Variants in CATSPERE observed in about 807,000 individuals in gnomAD.
CATSPERE encodes catsper channel auxiliary subunit epsilon.
CATSPERE carries 93 observed loss-of-function variants against 114.1 expected under a neutral mutation model. The observed-to-expected ratio is 0.81, with a 90% confidence interval of 0.69 to 0.97. CATSPERE has a LOEUF of 0.97. Among genes scored for constraint, CATSPERE ranks in the 50% least tolerant of loss-of-function variants. The pLI is 0.00. For missense variants in CATSPERE, 1,058 were observed against 1,131.6 expected (o/e 0.93, Z 0.93); for synonymous variants, 341 against 384.1 (o/e 0.89, Z 1.31).
intron 11 of CATSPERE, among the ~76,000 whole-genome samples, chr1:244,578,112 C>T (rs1426292660): frequency 6.6e-6 from 1 of 152,094 alleles, no homozygotes; most frequent in Non-Finnish European, 1.5e-5. Flanking sequence ...CAACCCCTGC[C>T]CAGTTGAAAA....
intron 2 of CATSPERE, among the ~76,000 whole-genome samples, chr1:244,476,849 TAGTC>T (rs1219473648): frequency 8.5e-5 from 13 of 152,206 alleles, no homozygotes; most frequent in South Asian, 6.2e-4. Context: ...GTTATGTTAA[TAGTC>T]AGTAACGTGT....
chr1:244,599,663 C>T (rs906349679), intron 17 of CATSPERE, among the ~76,000 whole-genome samples: 2 of 152,162 alleles, frequency 1.3e-5, no homozygotes, highest in African/African-American at 4.8e-5. Context: ...AAGCCAAGAC[C>T]TTACAATGAC....
At chr1:244,629,751 T>C (rs1472949021) in intron 20 of CATSPERE, among the ~76,000 whole-genome samples, 1 of 152,112 alleles carries the variant, frequency 6.6e-6, no homozygotes, top group African/African-American at 2.4e-5. Flanking sequence ...GCAATTCTTG[T>C]GCCTCAGCCT....
chr1:244,456,719 G>T (rs1431940386), upstream of CATSPERE, among the ~76,000 whole-genome samples: 1 of 152,088 alleles, frequency 6.6e-6, no homozygotes, highest in Non-Finnish European at 1.5e-5. Context: ...CTATAGATAA[G>T]GCCTGGGGAC....
At chr1:244,492,772 A>G (rs1672431079) in intron 6 of CATSPERE, among the ~76,000 whole-genome samples, 2 of 147,970 alleles carry the variant, frequency 1.4e-5, no homozygotes, top group Admixed American at 1.3e-4. Flanking sequence ...TCAATGTACA[A>G]AAATCACAAG....
At chr1:244,628,335 C>G (rs1192424594) in intron 20 of CATSPERE, among the ~76,000 whole-genome samples, 1 of 152,086 alleles carries the variant, frequency 6.6e-6, no homozygotes, top group Non-Finnish European at 1.5e-5. Context: ...TCCAGGTCAT[C>G]CTTGGTAAGG....
intron 8 of CATSPERE, among the ~76,000 whole-genome samples, chr1:244,552,109 G>A (rs3003218): frequency 6.8e-6 from 1 of 146,778 alleles, no homozygotes; most frequent in Non-Finnish European, 1.5e-5. Context: ...TGAGAATACA[G>A]AGACAGAAAC....
chr1:244,619,811 G>A (rs1012140501), intron 20 of CATSPERE, among the ~76,000 whole-genome samples: 1 of 152,064 alleles, frequency 6.6e-6, no homozygotes, highest in Non-Finnish European at 1.5e-5. Context: ...GTGATATGAG[G>A]TATAATCCAT....
intron 19 of CATSPERE, among the ~76,000 whole-genome samples, chr1:244,611,160 A>G (rs1464336675): frequency 6.6e-6 from 1 of 152,240 alleles, no homozygotes; most frequent in Non-Finnish European, 1.5e-5. Flanking sequence ...CCTTACTAGA[A>G]TGTAAGCTCC....
intron 10 of CATSPERE, among the ~76,000 whole-genome samples, chr1:244,563,905 C>T (rs1662998436): frequency 6.6e-6 from 1 of 152,064 alleles, no homozygotes; most frequent in Non-Finnish European, 1.5e-5. Flanking sequence ...AAGTTTAAGT[C>T]TCTAATCCAT....
At chr1:244,474,353 T>C (rs1292640272) in intron 2 of CATSPERE, among the ~76,000 whole-genome samples, 9 of 152,116 alleles carry the variant, frequency 5.9e-5, no homozygotes, top group Admixed American at 5.9e-4. Flanking sequence ...AACCAGGCAA[T>C]GATCTTATTC....
At chr1:244,451,542 G>A, upstream of CATSPERE, 1 of 1,377,358 alleles carries the variant, frequency 7.3e-7, no homozygotes, top group Non-Finnish European at 9.7e-7. The surrounding 1 kb of genome is among the most constrained non-coding windows in gnomAD (Gnocchi z 6.6). Flanking sequence ...TTGGCCAGTG[G>A]ATCCGGGTTC....
intron 20 of CATSPERE, among the ~76,000 whole-genome samples, chr1:244,622,669 A>T (rs994708504): frequency 6.6e-6 from 1 of 152,076 alleles, no homozygotes; most frequent in Admixed American, 6.6e-5. Flanking sequence ...CTATCTGTAC[A>T]TTCCTGGGGC....
upstream of CATSPERE, among the ~76,000 whole-genome samples, chr1:244,459,764 ACC>A (rs1666493880): frequency 6.6e-6 from 1 of 152,188 alleles, no homozygotes; most frequent in Non-Finnish European, 1.5e-5. Flanking sequence ...CTCATTATTT[ACC>A]TTATAGCAGG....
chr1:244,499,123 G>C (rs1572418879), intron 7 of CATSPERE, 44 bp downstream of exon 7: 1 of 1,456,514 alleles, frequency 6.9e-7, no homozygotes, highest in Non-Finnish European at 9.6e-7. Context: ...ACAGAATGCT[G>C]CCTTTCTTTT....
intron 8 of CATSPERE, among the ~76,000 whole-genome samples, chr1:244,521,355 A>G (rs1213677997): frequency 6.6e-6 from 1 of 152,178 alleles, no homozygotes; most frequent in East Asian, 1.9e-4. Flanking sequence ...CCTTGTCTCT[A>G]AATACATAAA....
At chr1:244,610,155 C>A in intron 18 of CATSPERE, 85 bp from the exon 19 acceptor site, 2 of 847,900 alleles carry the variant, frequency 2.4e-6, no homozygotes, top group Non-Finnish European at 1.8e-6. Flanking sequence ...ACAAAATTTT[C>A]AATAGCAACA....
chr1:244,522,879 G>T (rs1209682392), intron 8 of CATSPERE, among the ~76,000 whole-genome samples: 8 of 152,112 alleles, frequency 5.3e-5, no homozygotes, highest in Non-Finnish European at 7.3e-5. Context: ...GGACCAGATG[G>T]ATTCACAGCC....
chr1:244,453,987 G>T (rs537150413), upstream of CATSPERE, among the ~76,000 whole-genome samples: 4 of 152,336 alleles, frequency 2.6e-5, no homozygotes, highest in East Asian at 7.7e-4. Context: ...AGGAGAATAG[G>T]AGGATAGTTT....
Sources: gnomAD v4.1 joint callset for allele counts (sites outside exome capture counted in the v4.1 genomes callset) on GRCh38, gnomAD v4.1.1 for gene constraint, Gnocchi (gnomAD v3.1) non-coding constraint, MANE v1.5 for transcripts, NCBI Gene and HGNC (gene_info 2026-07-23, HGNC 2026-07-21) for gene names.